MAD1L1: variants seen among roughly 807,000 people sequenced by gnomAD.
MAD1L1 encodes the protein mitotic arrest deficient 1 like 1.
In MAD1L1, 95 loss-of-function variants were observed where a neutral mutation model predicts 96.9. The observed-to-expected ratio is 0.98, with a 90% CI of 0.83 to 1.16. MAD1L1 has a LOEUF of 1.16. Ranked by LOEUF, MAD1L1 falls within the 50% of genes most tolerant of loss-of-function variation. MAD1L1 has a pLI of 0.00. For missense variants in MAD1L1, 1,007 were observed against 954.4 expected, an observed-to-expected ratio of 1.06 and a Z score of -0.73; for synonymous variants, 473 against 396.6, an observed-to-expected ratio of 1.19 and a Z score of -2.29.
intron 3 of MAD1L1, 32 bp from the exon 4 acceptor site, chr7:2,225,582 T>A: frequency 6.2e-7 from 1 of 1,608,370 alleles, no homozygotes; most frequent in East Asian, 2.2e-5. Flanking sequence ...AAAAACAGAA[T>A]CCTCAGTGAC....
chr7:2,120,339 T>G (rs964587021), intron 11 of MAD1L1, among the ~76,000 whole-genome samples: 1 of 152,220 alleles, frequency 6.6e-6, no homozygotes, highest in Non-Finnish European at 1.5e-5. Flanking sequence ...TCCTCCCAGC[T>G]GATAACGAAG....
intron 11 of MAD1L1, among the ~76,000 whole-genome samples, chr7:2,073,383 G>A (rs1018619494): frequency 2.0e-5 from 3 of 152,138 alleles, no homozygotes; most frequent in Admixed American, 6.5e-5. Flanking sequence ...AGCAGTTCCC[G>A]ACCCCTCGGA....
At chr7:2,003,649 C>T (rs1050093797) in intron 13 of MAD1L1, among the ~76,000 whole-genome samples, 3 of 152,104 alleles carry the variant, frequency 2.0e-5, no homozygotes, top group Non-Finnish European at 2.9e-5. Flanking sequence ...ACCGGAGGGA[C>T]CCCCATTGCC....
At chr7:1,871,934 C>T (rs889619405) in intron 18 of MAD1L1, among the ~76,000 whole-genome samples, 5 of 152,200 alleles carry the variant, frequency 3.3e-5, no homozygotes, top group African/African-American at 1.2e-4. Flanking sequence ...GGCAGAACTA[C>T]GGTGGCTCAG....
chr7:2,085,630 C>T (rs1785878075), intron 11 of MAD1L1, among the ~76,000 whole-genome samples: 1 of 144,772 alleles, frequency 6.9e-6, no homozygotes, highest in Admixed American at 7.1e-5. Context: ...GTCTTCAAGG[C>T]CAGTCCCTGC....
chr7:1,897,366 T>C (rs1289271577), intron 18 of MAD1L1, among the ~76,000 whole-genome samples: 2 of 151,978 alleles, frequency 1.3e-5, no homozygotes, highest in African/African-American at 4.8e-5. Flanking sequence ...CCTGTCCTCA[T>C]CTCCCACAGC....
chr7:1,963,462 C>T (rs1410460721), intron 15 of MAD1L1, among the ~76,000 whole-genome samples: 3 of 152,284 alleles, frequency 2.0e-5, no homozygotes, highest in African/African-American at 7.2e-5. Flanking sequence ...CAAACAAGAG[C>T]ACATGTCTGG....
chr7:2,149,357 T>G, intron 10 of MAD1L1, 119 bp from the exon 11 acceptor site: 1 of 783,772 alleles, frequency 1.3e-6, no homozygotes, highest in South Asian at 1.5e-5. Context: ...ACCCAGGATG[T>G]GTGAACTCTG....
intron 11 of MAD1L1, among the ~76,000 whole-genome samples, chr7:2,112,945 G>A (rs891574067): frequency 1.3e-5 from 2 of 152,186 alleles, no homozygotes; most frequent in African/African-American, 4.8e-5. Flanking sequence ...CAGTGACCAA[G>A]GCTGAAATAC....
At chr7:2,110,358 G>A (rs1030408671) in intron 11 of MAD1L1, among the ~76,000 whole-genome samples, 1 of 152,234 alleles carries the variant, frequency 6.6e-6, no homozygotes, top group Non-Finnish European at 1.5e-5. Context: ...GGCTGCTCCT[G>A]TTCCCTTGGC....
intron 12 of MAD1L1, among the ~76,000 whole-genome samples, chr7:2,066,662 G>C (rs542099654): frequency 2.0e-5 from 3 of 152,294 alleles, no homozygotes; most frequent in African/African-American, 7.2e-5. Flanking sequence ...GAAGGAAGCC[G>C]GGCACAGACT....
intron 10 of MAD1L1, among the ~76,000 whole-genome samples, chr7:2,156,640 T>C (rs1012875678): frequency 6.6e-6 from 1 of 151,962 alleles, no homozygotes; most frequent in East Asian, 1.9e-4. Flanking sequence ...GCCAACATGG[T>C]GAAACCCCGT....
At chr7:2,065,618 G>A (rs1344089616) in intron 12 of MAD1L1, among the ~76,000 whole-genome samples, 1 of 152,166 alleles carries the variant, frequency 6.6e-6, no homozygotes, top group African/African-American at 2.4e-5. Context: ...TCGAAACTCA[G>A]ACCCTCAACA....
intron 18 of MAD1L1, among the ~76,000 whole-genome samples, chr7:1,818,431 T>C (rs1465464697): frequency 6.6e-6 from 1 of 152,090 alleles, no homozygotes; most frequent in Non-Finnish European, 1.5e-5. Context: ...TCACCCAGGC[T>C]GGAGTGCAGT....
At chr7:1,988,678 A>G (rs1781270562) in intron 14 of MAD1L1, among the ~76,000 whole-genome samples, 1 of 152,212 alleles carries the variant, frequency 6.6e-6, no homozygotes, top group Non-Finnish European at 1.5e-5. Context: ...TGGGGAGGGC[A>G]GCGCCACAGG....
At chr7:2,006,552 GGAGAGA>G (rs1782037719) in intron 13 of MAD1L1, among the ~76,000 whole-genome samples, 2 of 151,690 alleles carry the variant, frequency 1.3e-5, no homozygotes, top group Non-Finnish European at 2.9e-5. Flanking sequence ...GCCCAGCACA[GGAGAGA>G]CGGGACATCA....
chr7:2,097,205 C>T (rs1280805640), intron 11 of MAD1L1, among the ~76,000 whole-genome samples: 1 of 152,066 alleles, frequency 6.6e-6, no homozygotes, highest in Non-Finnish European at 1.5e-5. Context: ...ACGCGCTCAC[C>T]CCTCTTGGCT....
intron 11 of MAD1L1, among the ~76,000 whole-genome samples, chr7:2,140,541 T>A (rs1175049301): frequency 6.6e-6 from 1 of 152,226 alleles, no homozygotes; most frequent in Non-Finnish European, 1.5e-5. Context: ...GCTTAGCCAC[T>A]TCCAAGATGA....
intron 18 of MAD1L1, among the ~76,000 whole-genome samples, chr7:1,884,241 G>A (rs1397100901): frequency 6.6e-6 from 1 of 152,204 alleles, no homozygotes; most frequent in Non-Finnish European, 1.5e-5. Context: ...GAAGAGACGT[G>A]GCCACCCACC....
Sources: gnomAD v4.1 joint callset for allele counts (sites outside exome capture counted in the v4.1 genomes callset) on GRCh38, gnomAD v4.1.1 for gene constraint, MANE v1.5 for transcripts, NCBI Gene and HGNC (gene_info 2026-07-23, HGNC 2026-07-21) for gene names.